PAPPA2: variants seen among roughly 807,000 people sequenced by gnomAD.
PAPPA2 encodes the protein pappalysin 2, also known as pappalysin-2.
A neutral mutation model predicts 176.4 loss-of-function variants in PAPPA2; 86 were observed. The ratio of observed to expected loss-of-function variants is 0.49; its 90% CI spans 0.41 to 0.58. PAPPA2 has a LOEUF of 0.58. PAPPA2 is among the 20% of genes least tolerant of loss of function. PAPPA2 has a pLI of 0.00. For missense variants in PAPPA2, 2,073 were observed against 2,256.9 expected, an observed-to-expected ratio of 0.92 and a Z score of 1.65; for synonymous variants, 809 against 852.2, an observed-to-expected ratio of 0.95 and a Z score of 0.88.
chr1:176,678,358 G>A (rs1051678249), intron 4 of PAPPA2, among the ~76,000 whole-genome samples: 2 of 151,082 alleles, frequency 1.3e-5, no homozygotes, highest in African/African-American at 4.9e-5. Context: ...ATTTACTTTC[G>A]TAAGTGTCTT....
At chr1:176,548,067 A>G (rs1318760915) in intron 1 of PAPPA2, among the ~76,000 whole-genome samples, 5 of 152,268 alleles carry the variant, frequency 3.3e-5, no homozygotes, top group African/African-American at 1.2e-4. Flanking sequence ...AGAGATGGTC[A>G]TATCTTATTA....
intron 21 of PAPPA2, among the ~76,000 whole-genome samples, chr1:176,808,809 C>A (rs1666020223): frequency 6.6e-6 from 1 of 151,886 alleles, no homozygotes; most frequent in South Asian, 2.1e-4. Flanking sequence ...AATAATAATA[C>A]CTTTGGAAAA....
At chr1:176,687,190 T>C (rs1027689884) in intron 4 of PAPPA2, among the ~76,000 whole-genome samples, 5 of 152,198 alleles carry the variant, frequency 3.3e-5, no homozygotes, top group African/African-American at 1.2e-4. Context: ...CAATTGAAAA[T>C]ATAGCTTGCA....
rs1653863716 is a variant in PAPPA2 at position 176,594,737 on chromosome 1, T to C, written c.1133T>C (p.Leu378Pro). 1 of 1,614,088 alleles carries C rather than the reference T, an allele frequency of 6.2e-7. No individual in the cohort carries two copies. Among genetic ancestry groups the C allele is most frequent in the Non-Finnish European group, 8.5e-7 (1 of 1,180,038 alleles). ...AATYDGRHMA[L>P]YVDGTQVASS... ...ACTTACGATGGACGGCACATGGCCC[T>C]GTATGTGGATGGCACTCAGGTGGCT... The change falls in exon 3 of 23, where the codon CTG (leucine) becomes CCG (proline). Residue 378 changes from leucine to proline, a missense_variant. This residue lies in a region of PAPPA2 where 1,196 missense variants were observed against 1,330.4 expected (regional missense o/e 0.90). Coordinates refer to ENST00000367662, the MANE Select transcript of PAPPA2 (RefSeq NM_020318.3).
chr1:176,764,500 A>T (rs181782055), intron 14 of PAPPA2, among the ~76,000 whole-genome samples: 3 of 152,230 alleles, frequency 2.0e-5, no homozygotes. Context: ...TGGGTCCAGG[A>T]TTCAATTCCA....
chr1:176,686,396 C>A lies in PAPPA2; in HGVS notation c.2138-3741C>A, dbSNP rs550358357. 5.9e-5 allele frequency among the ~76,000 whole-genome samples: 9 copies of A among 152,242 alleles called. No individual in the cohort carries two copies. The South Asian group carries it at 1.9e-3, about 32-fold the overall frequency. On this transcript the variant is annotated intron_variant, in intron 4 of 22. Coordinates refer to ENST00000367662, the MANE Select transcript of PAPPA2 (RefSeq NM_020318.3). The stretch of plus-strand genomic sequence containing the variant: ...ACTTAACTCATTGTCACGAGAACAG[C>A]ATAAGGGAAACTGCCCCCATGATTC...
chr1:176,558,622 G>A (rs896231456), intron 2 of PAPPA2, among the ~76,000 whole-genome samples: 11 of 152,126 alleles, frequency 7.2e-5, no homozygotes, highest in Non-Finnish European at 1.5e-5. Flanking sequence ...AAGTTAGGTG[G>A]GGGAAGAGAA....
In PAPPA2 at chr1:176,556,358, G is replaced by A. The variant is rs1651285667; in HGVS notation, c.36G>A (p.Ala12=). 5 of 1,614,000 alleles carry A rather than the reference G, an allele frequency of 3.1e-6. No homozygotes were observed. Among genetic ancestry groups the A allele is most frequent in the African/African-American group, 1.3e-5 (1 of 74,930 alleles). The stretch of plus-strand genomic sequence containing the variant: ...TAAAGATCCTAAGAATAAGCCTGGC[G>A]ATTTTGGCTGGGTGGGCACTCTGTT... ...MCLKILRISL[A]ILAGWALCSA... is the part of the protein sequence containing the mutation. Residue 12 remains alanine (A), a synonymous_variant, in exon 2 of 23, where the codon GCG becomes GCA. Transcript: ENST00000367662.
chr1:176,492,038 G>A (rs557646364), intron 1 of PAPPA2, among the ~76,000 whole-genome samples: 1 of 152,290 alleles, frequency 6.6e-6, no homozygotes, highest in Non-Finnish European at 1.5e-5. Context: ...CATCAAGCAT[G>A]GAATCCTGTG....
intron 3 of PAPPA2, among the ~76,000 whole-genome samples, chr1:176,623,783 C>CTTT (rs1157669627): frequency 4.7e-5 from 5 of 105,882 alleles, no homozygotes; most frequent in African/African-American, 1.8e-4. Context: ...TTCTTTCTTT[C>CTTT]TTTCTTTCTT....
chr1:176,518,105 A>T (rs1043265548), intron 1 of PAPPA2, among the ~76,000 whole-genome samples: 1 of 152,138 alleles, frequency 6.6e-6, no homozygotes, highest in Non-Finnish European at 1.5e-5. Flanking sequence ...AATTCTATTT[A>T]TCTGCTTACC....
intron 21 of PAPPA2, among the ~76,000 whole-genome samples, chr1:176,831,408 G>T (rs1264589613): frequency 1.3e-5 from 2 of 152,184 alleles, no homozygotes; most frequent in Non-Finnish European, 2.9e-5. Context: ...AGGGCCCTGT[G>T]CAGGGATGTT....
chr1:176,557,146 G>C lies in PAPPA2; in HGVS notation c.824G>C (p.Arg275Pro). 2 of 1,613,910 alleles carry C rather than the reference G, an allele frequency of 1.2e-6. No homozygotes were observed. Among genetic ancestry groups the C allele is most frequent in the South Asian group, 2.2e-5 (2 of 91,050 alleles). ...GGGAGGCGGGAGCGGCTGCTGCTGC[G>C]TCCAGAAGTGCTGGCTGAGATTCCC... ...FSGRRERLLLRPEVLAEIPRE... is the reference protein window; with the variant it reads ...FSGRRERLLLPPEVLAEIPRE... Residue 275 changes from arginine to proline, a missense_variant, in exon 2 of 23, where the codon CGT becomes CCT. By Grantham distance (103) the Arg-to-Pro change is moderately radical. This residue lies in a region of PAPPA2 where 1,196 missense variants were observed against 1,330.4 expected (regional missense o/e 0.90). Coordinates refer to ENST00000367662, the MANE Select transcript of PAPPA2 (RefSeq NM_020318.3).
At chr1:176,468,900 T>C (rs1651752294) in intron 1 of PAPPA2, among the ~76,000 whole-genome samples, 1 of 152,242 alleles carries the variant, frequency 6.6e-6, no homozygotes, top group Non-Finnish European at 1.5e-5. Context: ...GAGCATATAC[T>C]ACCTGTCTGG....
chr1:176,770,425 A>G (rs1037127249), intron 16 of PAPPA2, among the ~76,000 whole-genome samples: 1 of 152,162 alleles, frequency 6.6e-6, no homozygotes, highest in Non-Finnish European at 1.5e-5. Flanking sequence ...TCTTCATCCA[A>G]ACTGCCTCTG....
intron 2 of PAPPA2, among the ~76,000 whole-genome samples, chr1:176,583,445 T>A (rs1653109594): frequency 6.6e-6 from 1 of 152,162 alleles, no homozygotes; most frequent in Non-Finnish European, 1.5e-5. Flanking sequence ...TTGAGAAATT[T>A]ATGTATTATC....
intron 14 of PAPPA2, among the ~76,000 whole-genome samples, chr1:176,754,003 G>C (rs1663300996): frequency 6.7e-6 from 1 of 149,442 alleles, no homozygotes; most frequent in South Asian, 2.1e-4. Context: ...TGAGCTATTT[G>C]AGCCTTTTCA....
At chr1:176,533,175 C>G (rs1649905419) in intron 1 of PAPPA2, among the ~76,000 whole-genome samples, 1 of 152,226 alleles carries the variant, frequency 6.6e-6, no homozygotes, top group Non-Finnish European at 1.5e-5. Flanking sequence ...ATGAGCCTCC[C>G]TCTTCAGGGG....
In PAPPA2 at chr1:176,673,511, A is replaced by G. The variant is rs563778312; in HGVS notation, c.2137+2396A>G. Among the ~76,000 whole-genome samples, 565 of 152,280 alleles carry G rather than the reference A, an allele frequency of 3.7e-3. 4 individuals carry two copies. The highest frequency in any genetic ancestry group is 6.3e-3 in the Non-Finnish European group (430 of 68,012). On this transcript the variant is annotated intron_variant, in intron 4 of 22. Transcript: ENST00000367662. ...CAAGGTTTACCCAGCAGTGGCTTCC[A>G]TGAGGCCCAGGTCTATCAATAGGAA...
Sources: allele counts gnomAD v4.1 joint callset (sites outside exome capture counted in the v4.1 genomes callset), GRCh38; gene constraint gnomAD v4.1.1; regional missense constraint gnomAD v4.1.1; transcripts MANE v1.5; gene names NCBI Gene and HGNC (gene_info 2026-07-23, HGNC 2026-07-21).